Variants in THOC7 observed in about 807,000 individuals in gnomAD.
THOC7 encodes NIF3L1-binding protein 1.
A neutral mutation model predicts 33.1 loss-of-function variants in THOC7; 22 were observed. The ratio of observed to expected loss-of-function variants is 0.66; its 90% CI spans 0.47 to 0.95. The LOEUF (loss-of-function observed/expected upper bound fraction) is 0.95, where lower values mean the gene tolerates loss of function less well. Ranked by LOEUF, THOC7 falls within the 40% of genes least tolerant of loss-of-function variation. The pLI, the probability that THOC7 is intolerant of heterozygous loss-of-function variation, is 0.00. For missense variants in THOC7, 184 were observed against 245.3 expected (o/e 0.75, Z 1.67); for synonymous variants, 77 against 76.8 (o/e 1.00, Z -0.01).
At chr3:63,844,972 A>G (rs564130113) in intron 1 of THOC7, 30 of 658,132 alleles carry the variant, frequency 4.6e-5, no homozygotes, top group Middle Eastern at 4.9e-4. Context: ...TAGAATCATA[A>G]ATAAAGACAA....
chr3:63,847,259 A>G (rs192373721), intron 1 of THOC7, among the ~76,000 whole-genome samples: 251 of 152,340 alleles, frequency 1.6e-3, no homozygotes, highest in Middle Eastern at 0.014. Context: ...ATTTTGGTTG[A>G]AAAATAACCA....
In THOC7 at chr3:63,836,248, C is replaced by T. The variant is rs564090574; in HGVS notation, c.410+53G>A. On this transcript the variant is annotated intron_variant, in intron 5 of 7. Transcript: ENST00000295899. The stretch of plus-strand genomic sequence containing the variant: ...AAAATGAAATGCCTACGGTAGTTTT[C>T]GAGCATTTATGTATAAAGGTTAGTT... 8.5e-5 allele frequency: 132 copies of T among 1,546,704 alleles called. No individual in the cohort carries two copies. The East Asian group carries it at 9.1e-4, about 11-fold the overall frequency.
chr3:63,859,327 C>G (rs1372244818), intron 1 of THOC7, among the ~76,000 whole-genome samples: 2 of 152,246 alleles, frequency 1.3e-5, no homozygotes, highest in African/African-American at 4.8e-5. Flanking sequence ...AATTCAGTCT[C>G]CTTTCCAAAG....
chr3:63,840,289 A>C (rs1183336538), intron 1 of THOC7, among the ~76,000 whole-genome samples: 1 of 152,210 alleles, frequency 6.6e-6, no homozygotes, highest in African/African-American at 2.4e-5. Flanking sequence ...AGGAAAAAAA[A>C]ATGAGATGGG....
intron 1 of THOC7, among the ~76,000 whole-genome samples, chr3:63,862,760 C>A (rs573952754): frequency 2.0e-5 from 3 of 152,118 alleles, no homozygotes; most frequent in Non-Finnish European, 4.4e-5. Flanking sequence ...CTGAAAAACA[C>A]CCAAGAGCCC....
intron 1 of THOC7, among the ~76,000 whole-genome samples, chr3:63,841,951 T>C (rs550823630): frequency 6.6e-6 from 1 of 152,332 alleles, no homozygotes; most frequent in South Asian, 2.1e-4. Context: ...GCTACATGCC[T>C]GGATCTCCAA....
chr3:63,844,561 A>C (rs60612895), intron 1 of THOC7, among the ~76,000 whole-genome samples: 120 of 152,314 alleles, frequency 7.9e-4, no homozygotes, highest in African/African-American at 2.7e-3. Context: ...GGGAACCTTG[A>C]AGAGGTGACT....
chr3:63,838,877 A>G (rs564798362), intron 2 of THOC7, among the ~76,000 whole-genome samples: 2 of 152,324 alleles, frequency 1.3e-5, no homozygotes, highest in South Asian at 4.1e-4. Flanking sequence ...CAAATGAGAA[A>G]AAGTTTGCTA....
intron 1 of THOC7, chr3:63,845,027 C>A (rs1312532315): frequency 2.9e-6 from 2 of 697,398 alleles, no homozygotes; most frequent in Middle Eastern, 2.3e-4. Context: ...TGACAGATGA[C>A]CACAAAAGGA....
upstream of THOC7, chr3:63,863,848 C>T: frequency 8.2e-7 from 1 of 1,217,158 alleles, no homozygotes; most frequent in Non-Finnish European, 1.0e-6. Flanking sequence ...CGGTTGGCGG[C>T]GGCGGAGGTC....
rs766092525 is a variant in THOC7 at position 63,835,146 on chromosome 3, C to A, written c.547+8G>T. The A allele has an allele frequency of 6.2e-7, 1 of 1,612,760 alleles. No individual in the cohort carries two copies. The highest frequency in any genetic ancestry group is 8.5e-7 in the Non-Finnish European group (1 of 1,179,362). On this transcript the variant is annotated splice_region_variant and intron_variant, in intron 7 of 7. Coordinates refer to ENST00000295899, the MANE Select transcript of THOC7 (RefSeq NM_025075.4). Reference sequence around the variant, plus strand: ...ATAAGCATTTACTTTGAGACTATTTCTACTTACTTTCCAATGTTTGCTGAA... The same window carrying A: ...ATAAGCATTTACTTTGAGACTATTTATACTTACTTTCCAATGTTTGCTGAA...
chr3:63,852,400 T>C (rs1702036969), intron 1 of THOC7, among the ~76,000 whole-genome samples: 1 of 152,194 alleles, frequency 6.6e-6, no homozygotes, highest in Non-Finnish European at 1.5e-5. Context: ...AGATTGGAGA[T>C]TATCTTTTTA....
At chr3:63,850,726 A>G (rs1182963038) in intron 1 of THOC7, among the ~76,000 whole-genome samples, 1 of 150,882 alleles carries the variant, frequency 6.6e-6, no homozygotes, top group Non-Finnish European at 1.5e-5. Context: ...AGCTGGGATT[A>G]CAGGTGCCTA....
chr3:63,835,077 G>A (rs1701601748), intron 7 of THOC7, 77 bp downstream of exon 7: 4 of 1,399,402 alleles, frequency 2.9e-6, no homozygotes, highest in Admixed American at 1.9e-5. Context: ...TCTCCAAGAT[G>A]TATATTTCAA....
At chr3:63,857,231 C>T (rs1250670408) in intron 1 of THOC7, among the ~76,000 whole-genome samples, 3 of 152,130 alleles carry the variant, frequency 2.0e-5, no homozygotes. Flanking sequence ...TCATATTGTG[C>T]ATTTCTTCTT....
chr3:63,863,832 A>AGGC (rs1702310805), upstream of THOC7: 10 of 1,218,592 alleles, frequency 8.2e-6, no homozygotes, highest in South Asian at 3.6e-4. Context: ...GCGCAAGCTG[A>AGGC]GGCGGCGGTT....
At chr3:63,860,106 C>A (rs1316406465) in intron 1 of THOC7, among the ~76,000 whole-genome samples, 1 of 150,998 alleles carries the variant, frequency 6.6e-6, no homozygotes, top group African/African-American at 2.4e-5. Flanking sequence ...GTAGCTGGGA[C>A]TACCTACAGG....
chr3:63,857,190 C>T (rs752742779), intron 1 of THOC7, among the ~76,000 whole-genome samples: 61 of 152,116 alleles, frequency 4.0e-4, no homozygotes, highest in South Asian at 4.1e-4. Flanking sequence ...GGAATTATTA[C>T]GGAAGGTAAA....
chr3:63,841,721 A>C (rs1356063301), intron 1 of THOC7, among the ~76,000 whole-genome samples: 6 of 152,224 alleles, frequency 3.9e-5, no homozygotes, highest in Admixed American at 1.3e-4. Flanking sequence ...TTAACCACCA[A>C]CATTATTATC....
Sources: gnomAD v4.1 joint callset for allele counts (sites outside exome capture counted in the v4.1 genomes callset) on GRCh38, gnomAD v4.1.1 for gene constraint, MANE v1.5 for transcripts, NCBI Gene and HGNC (gene_info 2026-07-23, HGNC 2026-07-21) for gene names.